PPIL4: variants seen among roughly 807,000 people sequenced by gnomAD.
PPIL4 encodes the protein peptidylprolyl isomerase like 4, also known as peptidyl-prolyl cis-trans isomerase-like 4.
Under a neutral mutation model 69.1 loss-of-function variants are expected in PPIL4, and 50 were observed. The observed-to-expected ratio is 0.72, with a 90% CI of 0.58 to 0.92. PPIL4 has a LOEUF of 0.92. Among genes scored for constraint, PPIL4 ranks in the 40% least tolerant of loss-of-function variants. PPIL4 has a pLI of 0.00. For missense variants in PPIL4, 480 were observed against 587.9 expected, an observed-to-expected ratio of 0.82 and a Z score of 1.90; for synonymous variants, 193 against 191.6, an observed-to-expected ratio of 1.01 and a Z score of -0.06.
At chr6:149,530,185 A>C (rs2115035889) in intron 7 of PPIL4, among the ~76,000 whole-genome samples, 1 of 152,342 alleles carries the variant, frequency 6.6e-6, no homozygotes, top group East Asian at 1.9e-4. Context: ...ATCAATTGTT[A>C]ACAAATGTGT....
At chr6:149,530,083 G>A (rs191038378) in intron 7 of PPIL4, among the ~76,000 whole-genome samples, 13 of 152,230 alleles carry the variant, frequency 8.5e-5, no homozygotes, top group South Asian at 4.1e-4. Context: ...ATATGCTATC[G>A]TACATTTGTC....
Position 149,516,575 on chromosome 6 carries a change from T to C in PPIL4, c.1079+779A>G, listed in dbSNP as rs1039032142. On this transcript the variant is annotated intron_variant, in intron 11 of 12. Transcript: ENST00000253329. ...GAAATAACTCTTGCAATGTGTGGAG[T>C]GATATATTTATAATGGGAAAAATTA... Among the ~76,000 whole-genome samples, 44 of 152,054 alleles carry C rather than the reference T, an allele frequency of 2.9e-4. 1 individual carries two copies. Among genetic ancestry groups the C allele is most frequent in the African/African-American group, 1.0e-3 (43 of 41,414 alleles).
intron 10 of PPIL4, 34 bp from the exon 11 acceptor site, chr6:149,517,484 A>T: frequency 9.3e-7 from 1 of 1,073,152 alleles, no homozygotes; most frequent in Non-Finnish European, 1.4e-6. Context: ...AGAGCTTAGT[A>T]AAAAAACCAC....
rs568778288 is a variant in PPIL4, at chr6:149,522,513, G to C, written c.871-1342C>G. Among the ~76,000 whole-genome samples, 4 of 152,278 alleles carry C rather than the reference G, an allele frequency of 2.6e-5. No homozygotes were observed. In the South Asian group the frequency reaches 6.2e-4, roughly 24 times the overall value. On this transcript the variant is annotated intron_variant, in intron 9 of 12. Coordinates refer to ENST00000253329, the MANE Select transcript of PPIL4 (RefSeq NM_139126.4). ...CAGACTCTATACATATATGGATACCGATTTATAACAAAAGTGGTACTACAG... is the reference window on the plus strand; with the variant it reads ...CAGACTCTATACATATATGGATACCCATTTATAACAAAAGTGGTACTACAG...
chr6:149,521,137 T>A lies in PPIL4; in HGVS notation c.905A>T (p.Asp302Val). 6.2e-7 allele frequency: 1 copy of A among 1,603,322 alleles called. No homozygotes were observed. The highest frequency in any genetic ancestry group is 8.5e-7 in the Non-Finnish European group (1 of 1,173,360). The change falls in exon 10 of 13, where the codon GAC becomes GTC. Residue 302 changes from aspartate (D) to valine (V), a missense_variant. Coordinates refer to ENST00000253329, the MANE Select transcript of PPIL4 (RefSeq NM_139126.4). ...EDCEKAFFKMDNVLIDDRRIH... is the reference protein window; with the variant it reads ...EDCEKAFFKMVNVLIDDRRIH... ...TCTTCTGTCATCTATAAGCACATTG[T>A]CCATTTTGAAGAATGCTTTCTCACA...
chr6:149,510,492 C>G (rs1776827458), intron 12 of PPIL4, among the ~76,000 whole-genome samples: 1 of 151,976 alleles, frequency 6.6e-6, no homozygotes, highest in South Asian at 2.1e-4. Flanking sequence ...GCCTATAATC[C>G]CAGCACTTTG....
intron 3 of PPIL4, 29 bp downstream of exon 3, chr6:149,541,338 T>C: frequency 1.0e-6 from 1 of 954,084 alleles, no homozygotes; most frequent in Non-Finnish European, 1.4e-6. Flanking sequence ...AATAAATAAA[T>C]AAATAAATAA....
In PPIL4 at chr6:149,530,182, G is replaced by T. The variant is rs1400154733; in HGVS notation, c.678+3276C>A. Among the ~76,000 whole-genome samples, 4 of 152,156 alleles carry T rather than the reference G, an allele frequency of 2.6e-5. No homozygotes were observed. In the East Asian group the frequency reaches 7.7e-4, roughly 29 times the overall value. On this transcript the variant is annotated intron_variant, in intron 7 of 12. Transcript: ENST00000253329. ...ATGTATCAATATTGGCTCATCAATT[G>T]TTAACAAATGTGTCACAATAATGCA...
chr6:149,530,340 T>C (rs755562478), intron 7 of PPIL4, among the ~76,000 whole-genome samples: 2 of 152,130 alleles, frequency 1.3e-5, no homozygotes. Flanking sequence ...GAGACACGGA[T>C]AATGAACGGA....
chr6:149,512,061 T>C, intron 12 of PPIL4, 94 bp downstream of exon 12: 1 of 1,064,278 alleles, frequency 9.4e-7, no homozygotes, highest in Non-Finnish European at 1.3e-6. Flanking sequence ...TGCTTAGAAC[T>C]ATCCCTTACC....
intron 6 of PPIL4, 80 bp downstream of exon 6, chr6:149,534,598 A>C (rs1777245621): frequency 5.3e-6 from 4 of 749,460 alleles, no homozygotes; most frequent in Non-Finnish European, 8.6e-6. Flanking sequence ...GGAAAAAATT[A>C]ACTTTAACAG....
chr6:149,505,863 G>C (rs143834893), intron 12 of PPIL4, among the ~76,000 whole-genome samples, 159 bp from the exon 13 acceptor site: 64 of 152,226 alleles, frequency 4.2e-4, no homozygotes, highest in African/African-American at 1.5e-3. Flanking sequence ...AAATTACAAA[G>C]CAATAAAATA....
intron 12 of PPIL4, among the ~76,000 whole-genome samples, chr6:149,511,611 C>G (rs1433592878): frequency 6.6e-6 from 1 of 152,086 alleles, no homozygotes; most frequent in Non-Finnish European, 1.5e-5. Flanking sequence ...AACCAAAGCA[C>G]AGGCTGGAAA....
intron 11 of PPIL4, among the ~76,000 whole-genome samples, chr6:149,515,736 T>G (rs1776934219): frequency 6.6e-6 from 1 of 152,178 alleles, no homozygotes; most frequent in South Asian, 2.1e-4. Flanking sequence ...TATCTTGTAC[T>G]TATCACTAAA....
chr6:149,517,287 TCA>T (rs1776961131), intron 11 of PPIL4, 65 bp downstream of exon 11: 1 of 865,886 alleles, frequency 1.2e-6, no homozygotes, highest in African/African-American at 1.7e-5. Flanking sequence ...TCATAACACA[TCA>T]CACAGTACTC....
intron 7 of PPIL4, among the ~76,000 whole-genome samples, chr6:149,527,657 G>A (rs1046308392): frequency 6.6e-6 from 1 of 152,154 alleles, no homozygotes; most frequent in Non-Finnish European, 1.5e-5. Flanking sequence ...CTCCTCATCA[G>A]AGACAACAAA....
chr6:149,509,176 T>C (rs911212364), intron 12 of PPIL4, among the ~76,000 whole-genome samples: 10 of 152,082 alleles, frequency 6.6e-5, no homozygotes, highest in Non-Finnish European at 1.5e-4. Context: ...TAGTTAATAT[T>C]GCCTTAAAAT....
At chr6:149,517,848 C>G (rs1192714628) in intron 10 of PPIL4, 1 of 163,020 alleles carries the variant, frequency 6.1e-6, no homozygotes, top group Non-Finnish European at 1.3e-5. Context: ...TTTTAAAGAT[C>G]TAACGAGATA....
At chr6:149,509,560 A>G (rs977886527) in intron 12 of PPIL4, among the ~76,000 whole-genome samples, 4 of 152,258 alleles carry the variant, frequency 2.6e-5, no homozygotes, top group African/African-American at 9.6e-5. Context: ...AAGAAGACTG[A>G]TGCGACCTCA....
Sources: allele counts gnomAD v4.1 joint callset (sites outside exome capture counted in the v4.1 genomes callset), GRCh38; gene constraint gnomAD v4.1.1; transcripts MANE v1.5; gene names NCBI Gene and HGNC (gene_info 2026-07-23, HGNC 2026-07-21).